Variants in EIF5B observed in about 807,000 individuals in gnomAD.
The protein encoded by EIF5B is eukaryotic translation initiation factor 5B, also known as eIF-5B.
Under a neutral mutation model 147.5 loss-of-function variants are expected in EIF5B, and 47 were observed. The ratio of observed to expected loss-of-function variants is 0.32; its 90% CI spans 0.25 to 0.41. The LOEUF (loss-of-function observed/expected upper bound fraction) is 0.41. Ranked by LOEUF, EIF5B falls within the 10% of genes least tolerant of loss-of-function variation. The pLI is 1.00. For missense variants in EIF5B, 1,064 were observed against 1,413.2 expected, an observed-to-expected ratio of 0.75 and a Z score of 3.96; for synonymous variants, 455 against 456.2, an observed-to-expected ratio of 1.00 and a Z score of 0.03.
At chr2:99,396,029 G>C (rs912021967) in intron 21 of EIF5B, among the ~76,000 whole-genome samples, 4 of 152,188 alleles carry the variant, frequency 2.6e-5, no homozygotes, top group Non-Finnish European at 4.4e-5. Context: ...TCAGTGGCAA[G>C]AGCCTGTCAG....
chr2:99,387,916 G>GC (rs1276118753), intron 14 of EIF5B, among the ~76,000 whole-genome samples: 1 of 152,076 alleles, frequency 6.6e-6, no homozygotes, highest in Non-Finnish European at 1.5e-5. Flanking sequence ...GAAGCAATCT[G>GC]CCCACGTCAG....
At chr2:99,356,822 A>G (rs1042644466) in intron 1 of EIF5B, among the ~76,000 whole-genome samples, 5 of 152,186 alleles carry the variant, frequency 3.3e-5, no homozygotes, top group African/African-American at 1.2e-4. Context: ...TCTGATAGGT[A>G]TATACCACTA....
intron 14 of EIF5B, among the ~76,000 whole-genome samples, chr2:99,388,721 A>G (rs1479598579): frequency 1.3e-5 from 2 of 151,978 alleles, no homozygotes; most frequent in Admixed American, 1.3e-4. Context: ...TTGATTTGTA[A>G]TGTTTCATTG....
intron 1 of EIF5B, among the ~76,000 whole-genome samples, chr2:99,350,534 C>G (rs953452254): frequency 6.6e-6 from 1 of 151,916 alleles, no homozygotes; most frequent in African/African-American, 2.4e-5. Flanking sequence ...TTTCATATAC[C>G]TGGTGCCCAT....
At chr2:99,353,002 C>CTTTTTTTTTTT (rs1559245418) in intron 1 of EIF5B, among the ~76,000 whole-genome samples, 2 of 64,228 alleles carry the variant, frequency 3.1e-5, no homozygotes, top group African/African-American at 4.7e-5. Context: ...TTTTCTTCTT[C>CTTTTTTTTTTT]TTCTTTTTTT....
intron 1 of EIF5B, among the ~76,000 whole-genome samples, chr2:99,359,246 G>C (rs1031039071): frequency 2.0e-4 from 31 of 151,548 alleles, no homozygotes; most frequent in African/African-American, 7.5e-4. Context: ...GCGGGCTCCT[G>C]TAGTCCCAGC....
chr2:99,379,495 T>A, intron 12 of EIF5B, 67 bp downstream of exon 12: 2 of 1,230,102 alleles, frequency 1.6e-6, no homozygotes, highest in Admixed American at 4.4e-5. Context: ...ATTTCAAACA[T>A]AGAAAAAGGA....
intron 13 of EIF5B, among the ~76,000 whole-genome samples, 153 bp from the exon 14 acceptor site, chr2:99,382,627 G>C (rs1215819544): frequency 2.6e-5 from 4 of 152,188 alleles, no homozygotes; most frequent in Non-Finnish European, 5.9e-5. Context: ...GTGATTGGTA[G>C]ATGAGCCTTT....
chr2:99,378,483 T>G (rs1472345679), intron 10 of EIF5B, among the ~76,000 whole-genome samples: 1 of 152,218 alleles, frequency 6.6e-6, no homozygotes, highest in Non-Finnish European at 1.5e-5. Flanking sequence ...CATGTTTTAC[T>G]TATTTAAGCT....
chr2:99,366,554 A>G (rs1198255950), intron 6 of EIF5B, among the ~76,000 whole-genome samples: 1 of 151,938 alleles, frequency 6.6e-6, no homozygotes, highest in Non-Finnish European at 1.5e-5. Flanking sequence ...TAGAGATAAC[A>G]TTTTTAGTCA....
In EIF5B at chr2:99,400,353, A is replaced by C. The variant is rs974103946; in HGVS notation, c.*939A>C. 6.6e-6 allele frequency: 1 copy of C among 152,218 alleles called. No homozygotes were observed. The highest frequency in any genetic ancestry group is 2.4e-5 in the African/African-American group (1 of 41,466). 9.4% of individuals were successfully genotyped at this position (152,218 alleles called of 1,614,324 possible). The stretch of plus-strand genomic sequence containing the variant: ...TGATATTTGGGCTTAGTGCTTCTAA[A>C]TTGTTGCAGACACAAAACTTAATGA... On this transcript the variant is annotated 3_prime_UTR_variant, in exon 24 of 24. Coordinates refer to ENST00000289371, the MANE Select transcript of EIF5B (RefSeq NM_015904.4).
chr2:99,370,372 C>G (rs1320166960), intron 8 of EIF5B, among the ~76,000 whole-genome samples: 2 of 152,142 alleles, frequency 1.3e-5, no homozygotes, highest in African/African-American at 4.8e-5. Context: ...AAGATAGGAT[C>G]AGGAATGGGA....
chr2:99,370,648 A>G (rs977947190), intron 8 of EIF5B, among the ~76,000 whole-genome samples: 3 of 152,242 alleles, frequency 2.0e-5, no homozygotes, highest in Non-Finnish European at 4.4e-5. Flanking sequence ...TTTCCTCCTC[A>G]AGATAACTTA....
At chr2:99,357,843 G>A (rs1674127474) in intron 1 of EIF5B, among the ~76,000 whole-genome samples, 1 of 152,128 alleles carries the variant, frequency 6.6e-6, no homozygotes, top group South Asian at 2.1e-4. Context: ...CCTGAGAATT[G>A]TCCTTGATTC....
intron 1 of EIF5B, among the ~76,000 whole-genome samples, chr2:99,346,589 CTTTTTTTTTTTTTT>C (rs773411395): frequency 4.9e-5 from 3 of 61,648 alleles, no homozygotes; most frequent in South Asian, 8.0e-4. Context: ...AGTTGTATCT[CTTTTTTTTTTTTTT>C]TTTTTTTTTT....
chr2:99,369,518 C>A, intron 8 of EIF5B, 37 bp downstream of exon 8: 1 of 1,527,088 alleles, frequency 6.5e-7, no homozygotes, highest in South Asian at 1.2e-5. Flanking sequence ...TTAGTGAATT[C>A]TTATTAAATA....
intron 1 of EIF5B, among the ~76,000 whole-genome samples, chr2:99,341,891 G>A (rs1468357829): frequency 1.3e-5 from 2 of 152,130 alleles, no homozygotes; most frequent in African/African-American, 2.4e-5. Context: ...TTGATCTGCA[G>A]CATCATCACA....
chr2:99,365,295 A>G (rs1674303457), intron 6 of EIF5B, among the ~76,000 whole-genome samples: 1 of 152,152 alleles, frequency 6.6e-6, no homozygotes, highest in Non-Finnish European at 1.5e-5. Flanking sequence ...CATCATATAG[A>G]TGAAGAAATG....
chr2:99,385,431 C>T (rs1208597955), intron 14 of EIF5B, among the ~76,000 whole-genome samples: 1 of 152,180 alleles, frequency 6.6e-6, no homozygotes, highest in Non-Finnish European at 1.5e-5. Context: ...ACAGCCACCC[C>T]AGCCTTTATG....
Sources: allele counts gnomAD v4.1 joint callset (sites outside exome capture counted in the v4.1 genomes callset), GRCh38; gene constraint gnomAD v4.1.1; transcripts MANE v1.5; gene names NCBI Gene and HGNC (gene_info 2026-07-23, HGNC 2026-07-21).